Variants in SHISA9 observed in about 807,000 individuals in gnomAD.
SHISA9 encodes the protein shisa family member 9.
In SHISA9, 13 loss-of-function variants were observed where a neutral mutation model predicts 38.0. That is an observed-to-expected ratio of 0.34 (90% CI 0.22 to 0.54). The LOEUF is 0.54. SHISA9 is among the 20% of genes least tolerant of loss of function. The pLI is 0.91. For synonymous variants in SHISA9, 275 were observed against 242.0 expected, an observed-to-expected ratio of 1.14 and a Z score of -1.27; for missense variants, 538 against 575.8, an observed-to-expected ratio of 0.93 and a Z score of 0.67.
the SHISA9 span, among the ~76,000 whole-genome samples, chr16:13,555,804 T>C: frequency 6.6e-6 from 1 of 151,940 alleles, no homozygotes; most frequent in African/African-American, 2.4e-5. Flanking sequence ...GAAAGGTATT[T>C]TGTATTTACA....
the SHISA9 span, among the ~76,000 whole-genome samples, chr16:13,272,243 G>A: frequency 6.6e-6 from 1 of 152,030 alleles, no homozygotes; most frequent in African/African-American, 2.4e-5. Context: ...AAGCAATAAA[G>A]TAGGAAGAAA....
chr16:13,377,107 C>T, the SHISA9 span, among the ~76,000 whole-genome samples: 7 of 152,202 alleles, frequency 4.6e-5, no homozygotes, highest in Non-Finnish European at 8.8e-5. Flanking sequence ...CACCACCCAA[C>T]GAGGGCACAC....
intron 2 of SHISA9, among the ~76,000 whole-genome samples, chr16:12,957,156 C>T (rs2071847481): frequency 6.6e-6 from 1 of 152,176 alleles, no homozygotes; most frequent in African/African-American, 2.4e-5. Flanking sequence ...TCATTGGTGA[C>T]TCCCTTTCAC....
intron 2 of SHISA9, among the ~76,000 whole-genome samples, chr16:13,083,550 C>G (rs1302042918): frequency 6.6e-6 from 1 of 152,128 alleles, no homozygotes; most frequent in Non-Finnish European, 1.5e-5. Context: ...GAAAGGAGAC[C>G]AGCTAGGTCA....
At chr16:13,168,485 C>T (rs2050657204) in intron 2 of SHISA9, among the ~76,000 whole-genome samples, 1 of 152,184 alleles carries the variant, frequency 6.6e-6, no homozygotes, top group Non-Finnish European at 1.5e-5. Context: ...TCACATGGTC[C>T]ATGTCTACCA....
chr16:13,367,663 T>G, the SHISA9 span, among the ~76,000 whole-genome samples: 7 of 136,828 alleles, frequency 5.1e-5, no homozygotes, highest in South Asian at 2.4e-4. Context: ...CGGGGGGGAA[T>G]GAAGATGTTT....
chr16:13,550,915 C>A, the SHISA9 span, among the ~76,000 whole-genome samples: 146 of 152,034 alleles, frequency 9.6e-4, 1 homozygote, highest in African/African-American at 2.2e-3. Context: ...AAAGGTCAGG[C>A]GTTCGAGACC....
In SHISA9 at chr16:13,061,276, G is replaced by C. The variant is rs117257067; in HGVS notation, c.692-142118G>C. ...GATATAAATACGCCTCACACACGGC[G>C]TTAAAAGAATCATTCCGCAGCCTAC... On this transcript the variant is annotated intron_variant, in intron 2 of 4. Coordinates refer to ENST00000558583, the MANE Select transcript of SHISA9 (RefSeq NM_001145204.3). Among the ~76,000 whole-genome samples, 14 of 152,244 alleles carry C rather than the reference G, an allele frequency of 9.2e-5. No homozygotes were observed. The East Asian group carries it at 2.7e-3, about 29-fold the overall frequency.
chr16:13,361,013 C>T, the SHISA9 span, among the ~76,000 whole-genome samples: 1 of 152,180 alleles, frequency 6.6e-6, no homozygotes, highest in African/African-American at 2.4e-5. Flanking sequence ...AATAAAATAC[C>T]TGCACCAAAC....
At chr16:13,464,973 C>T in the SHISA9 span, among the ~76,000 whole-genome samples, 2 of 152,074 alleles carry the variant, frequency 1.3e-5, no homozygotes. Context: ...TAAAGATTTT[C>T]TTAGGAAGGA....
intron 2 of SHISA9, among the ~76,000 whole-genome samples, chr16:13,051,792 G>A (rs987092861): frequency 6.7e-6 from 1 of 150,234 alleles, no homozygotes; most frequent in Non-Finnish European, 1.5e-5. Context: ...TTGAGATTGA[G>A]TCTTGCTCTA....
At chr16:13,508,354 T>C in the SHISA9 span, among the ~76,000 whole-genome samples, 1 of 152,234 alleles carries the variant, frequency 6.6e-6, no homozygotes, top group Non-Finnish European at 1.5e-5. Context: ...TCTCCTATTA[T>C]TGAGCTTTGA....
chr16:13,411,682 A>C, the SHISA9 span, among the ~76,000 whole-genome samples: 142 of 152,366 alleles, frequency 9.3e-4, 1 homozygote, highest in African/African-American at 3.3e-3. Context: ...AGATGAGGTA[A>C]GGAGAATCAG....
chr16:12,955,538 G>T (rs1318927493), intron 2 of SHISA9, among the ~76,000 whole-genome samples: 1 of 151,562 alleles, frequency 6.6e-6, no homozygotes, highest in African/African-American at 2.4e-5. Flanking sequence ...ATGTGAGCAT[G>T]GTACTGGTAC....
intron 2 of SHISA9, among the ~76,000 whole-genome samples, chr16:13,199,324 A>T (rs926828975): frequency 2.0e-5 from 3 of 152,224 alleles, no homozygotes; most frequent in African/African-American, 7.2e-5. Context: ...GGCACGCTCT[A>T]TGCACGAGTC....
the SHISA9 span, among the ~76,000 whole-genome samples, chr16:13,346,886 T>C: frequency 6.6e-6 from 1 of 152,242 alleles, no homozygotes; most frequent in Non-Finnish European, 1.5e-5. Flanking sequence ...CGTGTGCATG[T>C]TCTTAATTTG....
the SHISA9 span, among the ~76,000 whole-genome samples, chr16:13,529,113 C>G: frequency 6.6e-6 from 1 of 152,222 alleles, no homozygotes; most frequent in Non-Finnish European, 1.5e-5. Flanking sequence ...GACAGCCCCT[C>G]TGTTTTGCAG....
intron 2 of SHISA9, among the ~76,000 whole-genome samples, chr16:12,951,260 CAAA>C (rs113668400): frequency 1.7e-5 from 2 of 120,618 alleles, no homozygotes; most frequent in Non-Finnish European, 3.5e-5. Flanking sequence ...GGCAAAAAAG[CAAA>C]AAAAAAGAAA....
the SHISA9 span, among the ~76,000 whole-genome samples, chr16:13,258,955 A>G: frequency 6.6e-6 from 1 of 152,024 alleles, no homozygotes; most frequent in African/African-American, 2.4e-5. Context: ...TTCAAAACCA[A>G]TCATGCCTTC....
Sources: allele counts gnomAD v4.1 joint callset (sites outside exome capture counted in the v4.1 genomes callset), GRCh38; gene constraint gnomAD v4.1.1; transcripts MANE v1.5; gene names NCBI Gene and HGNC (gene_info 2026-07-23, HGNC 2026-07-21).